The following SMAD2 variants were observed in gnomAD, a reference collection of about 807,000 sequenced individuals.
The protein encoded by SMAD2 is MAD homolog 2.
Under a neutral mutation model 64.4 loss-of-function variants are expected in SMAD2, and 8 were observed. The observed-to-expected ratio is 0.12, with a 90% CI of 0.07 to 0.22. The LOEUF (loss-of-function observed/expected upper bound fraction) is 0.22. Among genes scored for constraint, SMAD2 ranks in the 10% least tolerant of loss-of-function variants. SMAD2 has a pLI of 1.00. For missense variants in SMAD2, 289 were observed against 561.2 expected (o/e 0.51, Z 4.90); for synonymous variants, 203 against 195.8 (o/e 1.04, Z -0.31).
chr18:47,895,921 T>TA (rs1338283042), intron 2 of SMAD2, among the ~76,000 whole-genome samples: 1 of 152,212 alleles, frequency 6.6e-6, no homozygotes, highest in Non-Finnish European at 1.5e-5. Flanking sequence ...GTCACTTAAT[T>TA]AAAAAACAAT....
chr18:47,896,761 T>C lies in SMAD2; in HGVS notation c.-5A>G. ...GAATGGCAAGATGGACGACATGTTC[T>C]TACCAAAGGCAGCAAGCCACGCTAG... On this transcript the variant is annotated 5_prime_UTR_variant, in exon 2 of 11. Coordinates refer to ENST00000262160, the MANE Select transcript of SMAD2 (RefSeq NM_005901.6). 1 of 1,613,534 alleles carries C rather than the reference T, an allele frequency of 6.2e-7. No individual in the cohort carries two copies. The highest frequency in any genetic ancestry group is 8.5e-7 in the Non-Finnish European group (1 of 1,179,778).
In SMAD2 at chr18:47,832,043, T is replaced by C. The variant is rs1012573378; in HGVS notation, c.*9784A>G. ...TGGAGCTTAAAATAATTACATTGGA[T>C]GACATCAGTTTGATACTGATGCCTG... On this transcript the variant is annotated 3_prime_UTR_variant, in exon 11 of 11. Transcript: ENST00000262160. 6.6e-6 allele frequency: 1 copy of C among 152,212 alleles called. No individual in the cohort carries two copies. Among genetic ancestry groups the C allele is most frequent in the Non-Finnish European group, 1.5e-5 (1 of 68,042 alleles). The allele number at this position is 152,212 out of a possible 1,614,324, so 9.4% of individuals were successfully genotyped here.
rs952096978 is a variant in SMAD2 at position 47,834,790 on chromosome 18, TTC to T, written c.*7035_*7036del. On this transcript the variant is annotated 3_prime_UTR_variant, in exon 11 of 11. Coordinates refer to ENST00000262160, the MANE Select transcript of SMAD2 (RefSeq NM_005901.6). ...TCCAGTTATATGGTATTTTACTGTA[TTC>T]TCTTTTTGCAATTAATCCAGTTTTG... 2 of 220,322 alleles carry T rather than the reference TTC, an allele frequency of 9.1e-6. No individual in the cohort carries two copies. Among genetic ancestry groups the T allele is most frequent in the South Asian group, 1.8e-4 (1 of 5,436 alleles). 13.6% of individuals were successfully genotyped at this position (220,322 alleles called of 1,614,324 possible). A position where few individuals can be genotyped will look rare whatever the true frequency, so the allele number is the denominator to read the frequency against.
Position 47,872,112 on chromosome 18 carries a change from A to G in SMAD2, c.237-1548T>C, listed in dbSNP as rs183193507. 5.1e-4 allele frequency among the ~76,000 whole-genome samples: 78 copies of G among 152,304 alleles called. 1 individual carries two copies. Among genetic ancestry groups the G allele is most frequent in the African/African-American group, 1.7e-3 (69 of 41,570 alleles). On this transcript the variant is annotated intron_variant, in intron 2 of 10. Transcript: ENST00000262160. ...AGTAATTGTTAAGAACTTGCAATCA[A>G]TCTAGAGGCAGACAGATCTAGACCC...
At position 47,813,711 on chromosome 18, in the gene SMAD2, A is replaced by ATTTTTTTTTTTTTTTTTTTTT. The variant is rs11349317; in HGVS notation, c.*28095_*28115dup. ...ATGAGCCACTGTACCCGGCCCCACA[A>ATTTTTTTTTTTTTTTTTTTTT]TTTTTTTTTTTTTTTTTTTTTGGAG... On this transcript the variant is annotated 3_prime_UTR_variant, in exon 11 of 11. Transcript: ENST00000262160. 5 of 84,578 alleles carry ATTTTTTTTTTTTTTTTTTTTT rather than the reference A, an allele frequency of 5.9e-5. No homozygotes were observed. Among genetic ancestry groups the ATTTTTTTTTTTTTTTTTTTTT allele is most frequent in the Admixed American group, 1.8e-4 (1 of 5,698 alleles). The allele number at this position is 84,578 out of a possible 1,614,324, so 5.2% of individuals were successfully genotyped here.
At position 47,845,405 on chromosome 18, in the gene SMAD2, G is replaced by C. The variant is rs2144287598; in HGVS notation, c.1215C>G (p.Val405=). ...TGGTGCACATTCTAGTTAGCTGATA[G>C]ACGGCTTCAAAACCCTGATTAACAG... ...AQSVNQGFEA[V]YQLTRMCTIR... is the part of the protein sequence containing the mutation. The change falls in exon 10 of 11, where the codon GTC becomes GTG. Residue 405 remains valine, a synonymous_variant. Coordinates refer to ENST00000262160, the MANE Select transcript of SMAD2 (RefSeq NM_005901.6). 6.2e-7 allele frequency: 1 copy of C among 1,613,760 alleles called. No homozygotes were observed. The highest frequency in any genetic ancestry group is 1.7e-5 in the Admixed American group (1 of 60,012).
intron 1 of SMAD2, chr18:47,922,457 A>G (rs946854158): frequency 3.3e-5 from 5 of 152,248 alleles, no homozygotes; most frequent in Non-Finnish European, 5.9e-5. Flanking sequence ...ACAATATAGA[A>G]TAACAACTAT....
At position 47,866,258 on chromosome 18, in the gene SMAD2, G is replaced by A. The variant is rs1258152839; in HGVS notation, c.656-1125C>T. Reference sequence around the variant, plus strand: ...TTGAACCCAGGAGGTGGAGGCTGCGGTGAGCCGAGATCACACCATTGTACT... The same window carrying A: ...TTGAACCCAGGAGGTGGAGGCTGCGATGAGCCGAGATCACACCATTGTACT... On this transcript the variant is annotated intron_variant, in intron 5 of 10. Coordinates refer to ENST00000262160, the MANE Select transcript of SMAD2 (RefSeq NM_005901.6). Among the ~76,000 whole-genome samples the A allele has an allele frequency of 8.6e-5, 12 of 139,510 alleles. No individual in the cohort carries two copies. The Admixed American group carries it at 9.2e-4, about 11-fold the overall frequency. The allele number at this position is 139,510 out of a possible 152,430, so 91.5% of individuals were successfully genotyped here. A position where few individuals can be genotyped will look rare whatever the true frequency, so the allele number is the denominator to read the frequency against.
chr18:47,850,708 C>CTA (rs567610146), intron 7 of SMAD2, among the ~76,000 whole-genome samples: 1 of 11,064 alleles, frequency 9.0e-5, no homozygotes, highest in South Asian at 3.5e-3. Context: ...ATATTATATA[C>CTA]TATATATATA....
Position 47,841,636 on chromosome 18 carries a change from G to A in SMAD2, c.*191C>T, listed in dbSNP as rs781288100. On this transcript the variant is annotated 3_prime_UTR_variant, in exon 11 of 11. Transcript: ENST00000262160. ...CCTCTTTAATGGGAGAGTATTTCTA[G>A]ACACTAATTTTCCCATCTAATATTC... The A allele has an allele frequency of 1.8e-4, 113 of 631,652 alleles. No individual in the cohort carries two copies. The highest frequency in any genetic ancestry group is 2.8e-4 in the Non-Finnish European group (99 of 355,270). The allele number at this position is 631,652 out of a possible 1,614,324, so 39.1% of individuals were successfully genotyped here. A position where few individuals can be genotyped will look rare whatever the true frequency, so the allele number is the denominator to read the frequency against.
chr18:47,841,755 G>A lies in SMAD2; in HGVS notation c.*72C>T, dbSNP rs946241970. The A allele has an allele frequency of 5.1e-6, 8 of 1,576,372 alleles. No homozygotes were observed. Among genetic ancestry groups the A allele is most frequent in the Non-Finnish European group, 7.0e-6 (8 of 1,147,118 alleles). On this transcript the variant is annotated 3_prime_UTR_variant, in exon 11 of 11. Transcript: ENST00000262160. ...ACTTTTGGATAGTAAACAGTCCATA[G>A]GGACCACACACAATGCTATGACAGA...
intron 2 of SMAD2, among the ~76,000 whole-genome samples, chr18:47,876,643 G>A (rs150466040): frequency 6.6e-6 from 1 of 151,862 alleles, no homozygotes; most frequent in South Asian, 2.1e-4. Flanking sequence ...AGGATGACTT[G>A]GTAATAAACC....
At chr18:47,910,257 C>A (rs1322562875) in intron 1 of SMAD2, among the ~76,000 whole-genome samples, 2 of 151,432 alleles carry the variant, frequency 1.3e-5, no homozygotes, top group East Asian at 3.9e-4. Context: ...CTCCACACAT[C>A]AGAGGAATTA....
intron 6 of SMAD2, among the ~76,000 whole-genome samples, chr18:47,857,279 AATC>A (rs1419853707): frequency 6.6e-6 from 1 of 152,242 alleles, no homozygotes; most frequent in Non-Finnish European, 1.5e-5. Context: ...ACAACATTAT[AATC>A]ATCAAATTCA....
chr18:47,837,871 T>C lies in SMAD2; in HGVS notation c.*3956A>G. The C allele has an allele frequency of 4.3e-6, 1 of 232,930 alleles. No individual in the cohort carries two copies. The highest frequency in any genetic ancestry group is 5.6e-5 in the Admixed American group (1 of 17,788). 14.4% of individuals were successfully genotyped at this position (232,930 alleles called of 1,614,324 possible). A position where few individuals can be genotyped will look rare whatever the true frequency, so the allele number is the denominator to read the frequency against. On this transcript the variant is annotated 3_prime_UTR_variant, in exon 11 of 11. Coordinates refer to ENST00000262160, the MANE Select transcript of SMAD2 (RefSeq NM_005901.6). ...AATGTTCAGCTTTTAAAGTAAAGACTGTACATGAAGACATATTTTATGTAC... is the reference window on the plus strand; with the variant it reads ...AATGTTCAGCTTTTAAAGTAAAGACCGTACATGAAGACATATTTTATGTAC...
chr18:47,851,146 C>CA (rs2030025525), intron 7 of SMAD2, 128 bp downstream of exon 7: 2 of 690,904 alleles, frequency 2.9e-6, no homozygotes, highest in East Asian at 5.3e-5. Flanking sequence ...TAACCACATA[C>CA]ATAATTATTT....
intron 1 of SMAD2, chr18:47,920,298 A>C (rs1417643400): frequency 1.3e-5 from 2 of 152,244 alleles, no homozygotes; most frequent in Non-Finnish European, 2.9e-5. Context: ...TCACAGCGGG[A>C]ATTACAAGAT....
At chr18:47,890,270 T>TCC (rs2033128176) in intron 2 of SMAD2, among the ~76,000 whole-genome samples, 1 of 152,208 alleles carries the variant, frequency 6.6e-6, no homozygotes, top group African/African-American at 2.4e-5. Context: ...TGATAAAAGG[T>TCC]CCCTATTCCC....
At chr18:47,889,225 A>C (rs906501620) in intron 2 of SMAD2, among the ~76,000 whole-genome samples, 1 of 152,164 alleles carries the variant, frequency 6.6e-6, no homozygotes, top group African/African-American at 2.4e-5. Flanking sequence ...CTATTATCTC[A>C]CCTCTCTCCA....
Sources: gnomAD v4.1 joint callset for allele counts (sites outside exome capture counted in the v4.1 genomes callset) on GRCh38, gnomAD v4.1.1 for gene constraint, MANE v1.5 for transcripts, NCBI Gene and HGNC (gene_info 2026-07-23, HGNC 2026-07-21) for gene names.